ARID3B: variants seen among roughly 807,000 people sequenced by gnomAD.
The protein encoded by ARID3B is AT-rich interaction domain 3B, also known as AT-rich interactive domain-containing protein 3B.
In ARID3B, 10 loss-of-function variants were observed where a neutral mutation model predicts 51.9. The observed-to-expected ratio is 0.19, with a 90% CI of 0.12 to 0.33. The LOEUF is 0.33. Among genes scored for constraint, ARID3B ranks in the 10% least tolerant of loss-of-function variants. The probability of loss-of-function intolerance (pLI) is 1.00; values close to 1 mark genes in which losing one functional copy is unlikely to be tolerated. For missense variants in ARID3B, 483 were observed against 716.3 expected (o/e 0.67, Z 3.72); for synonymous variants, 205 against 279.5 (o/e 0.73, Z 2.66).
intron 8 of ARID3B, 90 bp from the exon 9 acceptor site, chr15:74,595,521 G>T (rs996506682): frequency 3.6e-5 from 52 of 1,457,992 alleles, no homozygotes; most frequent in Non-Finnish European, 4.5e-5. Context: ...TCAGGCACAG[G>T]CTAGGCCAGC....
intron 4 of ARID3B, among the ~76,000 whole-genome samples, chr15:74,575,417 G>C (rs1393163299): frequency 6.6e-6 from 1 of 152,234 alleles, no homozygotes; most frequent in African/African-American, 2.4e-5. Context: ...TGCTAGCACA[G>C]GGCCAGGCAG....
intron 1 of ARID3B, among the ~76,000 whole-genome samples, chr15:74,541,725 T>G: frequency 6.8e-6 from 1 of 147,304 alleles, no homozygotes; most frequent in South Asian, 2.1e-4. Flanking sequence ...AGGTGGGCTG[T>G]GGGGCTTACA....
Position 74,541,501 on chromosome 15 carries a change from C to T in ARID3B, c.-78+171C>T, listed in dbSNP as rs531277702. On this transcript the variant is annotated intron_variant, in intron 1 of 8. Coordinates refer to ENST00000346246, the MANE Select transcript of ARID3B (RefSeq NM_006465.4). ...GAGCGCCGCGGGAGCCCCGAGCGCC[C>T]TGTGCCCATTAGGGCATTTGAGATA... 3.0e-4 allele frequency among the ~76,000 whole-genome samples: 46 copies of T among 152,374 alleles called. No individual in the cohort carries two copies. The South Asian group carries it at 7.0e-3, about 23-fold the overall frequency.
At chr15:74,556,837 C>T (rs1423607058) in intron 2 of ARID3B, among the ~76,000 whole-genome samples, 1 of 137,918 alleles carries the variant, frequency 7.3e-6, no homozygotes, top group Non-Finnish European at 1.5e-5. Context: ...TGCAGAGGTG[C>T]AATCTCGGCT....
At chr15:74,555,736 C>T (rs920174986) in intron 2 of ARID3B, among the ~76,000 whole-genome samples, 1 of 151,128 alleles carries the variant, frequency 6.6e-6, no homozygotes, top group African/African-American at 2.4e-5. Flanking sequence ...TGCCCGGATC[C>T]ATAAGAGGAA....
chr15:74,581,900 G>A (rs1474775093), intron 4 of ARID3B, among the ~76,000 whole-genome samples: 1 of 152,208 alleles, frequency 6.6e-6, no homozygotes, highest in Non-Finnish European at 1.5e-5. Flanking sequence ...GTGAAAAGTT[G>A]CAGTGAGTGT....
chr15:74,579,870 T>TGTGTGTGTGCGC, intron 4 of ARID3B, among the ~76,000 whole-genome samples: 1 of 121,678 alleles, frequency 8.2e-6, no homozygotes, highest in South Asian at 2.4e-4. Context: ...TGTGTGTGTG[T>TGTGTGTGTGCGC]GTGCGCGCGC....
At position 74,596,748 on chromosome 15, in the gene ARID3B, G is replaced by A. The variant is rs1182561351; in HGVS notation, c.*974G>A. ...TTGTTGATGTTTGAGTCTTCAGGAA[G>A]TATTTGCATCTCTGAAATCTTTTTT... On this transcript the variant is annotated 3_prime_UTR_variant, in exon 9 of 9. Coordinates refer to ENST00000346246, the MANE Select transcript of ARID3B (RefSeq NM_006465.4). The A allele has an allele frequency of 8.6e-6, 2 of 233,400 alleles. No homozygotes were observed. The highest frequency in any genetic ancestry group is 2.2e-5 in the African/African-American group (1 of 45,324). 14.5% of individuals were successfully genotyped at this position (233,400 alleles called of 1,614,324 possible). A position where few individuals can be genotyped will look rare whatever the true frequency, so the allele number is the denominator to read the frequency against.
chr15:74,574,509 C>G (rs1242614393), intron 4 of ARID3B: 2 of 152,184 alleles, frequency 1.3e-5, no homozygotes, highest in African/African-American at 4.8e-5. Flanking sequence ...TTCCCTCCTT[C>G]CTCCCTACTC....
chr15:74,572,995 A>G lies in ARID3B; in HGVS notation c.624+62A>G, dbSNP rs968636600. On this transcript the variant is annotated intron_variant, in intron 3 of 8. Coordinates refer to ENST00000346246, the MANE Select transcript of ARID3B (RefSeq NM_006465.4). ...GTTCTGCAGTGGCTTGTTACAGCTG[A>G]TTCCCAAGAAATAAGGACCAAGGTA... is the stretch of plus-strand genomic sequence containing the variant. The G allele has an allele frequency of 1.2e-5, 20 of 1,600,584 alleles. No individual in the cohort carries two copies. In the Admixed American group the frequency reaches 3.3e-4, roughly 27 times the overall value.
chr15:74,544,155 A>G lies in ARID3B; in HGVS notation c.219A>G (p.Pro73=), dbSNP rs754605646. The part of the protein sequence containing the change: ...STPLGPLARV[P]PTAAVAQVFE... ...CCTTAGGTCCCTTAGCCAGAGTTCC[A>G]CCCACCGCAGCAGTGGCCCAAGTGT... is the stretch of plus-strand genomic sequence containing the variant. The change falls in exon 2 of 9, where the codon CCA becomes CCG. Residue 73 remains proline, a synonymous_variant. Coordinates refer to ENST00000346246, the MANE Select transcript of ARID3B (RefSeq NM_006465.4). The G allele has an allele frequency of 6.2e-7, 1 of 1,613,678 alleles. No homozygotes were observed. The highest frequency in any genetic ancestry group is 8.5e-7 in the Non-Finnish European group (1 of 1,179,812).
chr15:74,545,853 T>G (rs1373558015), intron 2 of ARID3B, among the ~76,000 whole-genome samples: 1 of 152,232 alleles, frequency 6.6e-6, no homozygotes, highest in South Asian at 2.1e-4. Context: ...ATTGCCCTTG[T>G]GATCTTTTAG....
intron 2 of ARID3B, among the ~76,000 whole-genome samples, chr15:74,565,138 A>G (rs2061692976): frequency 6.6e-6 from 1 of 151,864 alleles, no homozygotes; most frequent in Non-Finnish European, 1.5e-5. Context: ...TCAGCCTCCC[A>G]GGCTCAAGCG....
At position 74,597,935 on chromosome 15, in the gene ARID3B, G is replaced by A. The variant is rs2061834843; in HGVS notation, c.*2161G>A. 2 of 531,404 alleles carry A rather than the reference G, an allele frequency of 3.8e-6. No individual in the cohort carries two copies. The highest frequency in any genetic ancestry group is 3.7e-6 in the Non-Finnish European group (1 of 273,756). The allele number at this position is 531,404 out of a possible 1,614,324, so 32.9% of individuals were successfully genotyped here. ...CTTCCCCTGAAGGTGCCATCAGCCA[G>A]GGCAGCTCTGTCCCCTCCTGCTCTC... is the stretch of plus-strand genomic sequence containing the variant. On this transcript the variant is annotated 3_prime_UTR_variant, in exon 9 of 9. Coordinates refer to ENST00000346246, the MANE Select transcript of ARID3B (RefSeq NM_006465.4).
At chr15:74,548,583 A>G (rs187474313) in intron 2 of ARID3B, among the ~76,000 whole-genome samples, 1 of 152,300 alleles carries the variant, frequency 6.6e-6, no homozygotes, top group Admixed American at 6.5e-5. Context: ...GCCTTCTAGG[A>G]TGGAAGGGTT....
chr15:74,563,819 C>T lies in ARID3B; in HGVS notation c.553-9043C>T, dbSNP rs559950807. Reference sequence around the variant, plus strand: ...TGCCTTGGTATCAGGGTGTCCTCATCACCAACAATGTATTTTAGTTTTTCT... The same window carrying T: ...TGCCTTGGTATCAGGGTGTCCTCATTACCAACAATGTATTTTAGTTTTTCT... On this transcript the variant is annotated intron_variant, in intron 2 of 8. Coordinates refer to ENST00000346246, the MANE Select transcript of ARID3B (RefSeq NM_006465.4). Among the ~76,000 whole-genome samples, 10 of 152,342 alleles carry T rather than the reference C, an allele frequency of 6.6e-5. No individual in the cohort carries two copies. In the East Asian group the frequency reaches 1.9e-3, roughly 29 times the overall value.
chr15:74,544,483 A>T lies in ARID3B; in HGVS notation c.547A>T (p.Lys183Ter). 1.2e-6 allele frequency: 2 copies of T among 1,613,142 alleles called. No homozygotes were observed. The highest frequency in any genetic ancestry group is 1.7e-6 in the Non-Finnish European group (2 of 1,179,456). The change falls in exon 2 of 9, where the codon AAG becomes TAG. Residue 183 changes from lysine to a stop codon, truncating the protein, a stop_gained. Coordinates refer to ENST00000346246, the MANE Select transcript of ARID3B (RefSeq NM_006465.4). LOFTEE classifies it high-confidence loss of function. ...QPNWNLDEQL[K>*]QNGGLAWSDD... ...GAACTGGAATCTGGATGAGCAGCTCAAGCAGGTCAGTCTTTCTGGTATTGT... is the reference window on the plus strand; with the variant it reads ...GAACTGGAATCTGGATGAGCAGCTCTAGCAGGTCAGTCTTTCTGGTATTGT...
At chr15:74,582,071 A>G (rs187348904) in intron 4 of ARID3B, among the ~76,000 whole-genome samples, 1 of 152,328 alleles carries the variant, frequency 6.6e-6, no homozygotes, top group Admixed American at 6.5e-5. Context: ...GATGCCAGGC[A>G]GATCTGCCCA....
intron 4 of ARID3B, among the ~76,000 whole-genome samples, chr15:74,589,588 G>A (rs1056857181): frequency 1.3e-5 from 2 of 152,106 alleles, no homozygotes; most frequent in Non-Finnish European, 1.5e-5. Flanking sequence ...ATTTACAGAC[G>A]GCAAAACAGA....
Sources: allele counts gnomAD v4.1 joint callset (sites outside exome capture counted in the v4.1 genomes callset), GRCh38; gene constraint gnomAD v4.1.1; transcripts MANE v1.5; gene names NCBI Gene and HGNC (gene_info 2026-07-23, HGNC 2026-07-21).